The following WWOX variants were observed in gnomAD, a reference collection of about 807,000 sequenced individuals.
The protein encoded by WWOX is WW domain-containing oxidoreductase.
Under a neutral mutation model 46.2 loss-of-function variants are expected in WWOX, and 69 were observed. That is an observed-to-expected ratio of 1.49 (90% CI 1.23 to 1.82). WWOX has a LOEUF of 1.82. Among genes scored for constraint, WWOX ranks in the 40% most tolerant of loss-of-function variants. The probability of loss-of-function intolerance (pLI) is 0.00; values close to 1 mark genes in which losing one functional copy is unlikely to be tolerated. For synonymous variants in WWOX, 359 were observed against 202.6 expected, an observed-to-expected ratio of 1.77 and a Z score of -6.56; for missense variants, 919 against 542.6, an observed-to-expected ratio of 1.69 and a Z score of -6.89.
At chr16:78,154,337 T>TA (rs2034521639) in intron 4 of WWOX, among the ~76,000 whole-genome samples, 1 of 152,096 alleles carries the variant, frequency 6.6e-6, no homozygotes, top group Non-Finnish European at 1.5e-5. Context: ...ATAATATGAA[T>TA]AATAACTCAT....
intron 8 of WWOX, among the ~76,000 whole-genome samples, chr16:78,445,735 G>C (rs149203223): frequency 0.01 from 1,590 of 152,174 alleles, 22 homozygotes; most frequent in African/African-American, 0.037. Flanking sequence ...AATATTATCT[G>C]GGTGTGGTGG....
intron 8 of WWOX, among the ~76,000 whole-genome samples, chr16:78,485,981 A>C (rs981392936): frequency 6.6e-6 from 1 of 152,226 alleles, no homozygotes; most frequent in Non-Finnish European, 1.5e-5. Flanking sequence ...TCTGTTACCT[A>C]GGAGTCCATG....
At chr16:78,537,559 A>C (rs1226269662) in intron 8 of WWOX, among the ~76,000 whole-genome samples, 1 of 152,144 alleles carries the variant, frequency 6.6e-6, no homozygotes, top group East Asian at 1.9e-4. Flanking sequence ...TCATGCTGAC[A>C]TACTAAACCA....
chr16:78,105,297 AC>A (rs2032069926), intron 1 of WWOX, among the ~76,000 whole-genome samples: 1 of 152,176 alleles, frequency 6.6e-6, no homozygotes, highest in Non-Finnish European at 1.5e-5. Context: ...CCCCATCTCT[AC>A]TAAAAATACA....
chr16:79,126,970 A>C (rs906183872), intron 8 of WWOX, among the ~76,000 whole-genome samples: 4 of 152,146 alleles, frequency 2.6e-5, no homozygotes, highest in Admixed American at 6.5e-5. Context: ...GACAGAAAAT[A>C]GGTGCCTGGC....
intron 8 of WWOX, among the ~76,000 whole-genome samples, chr16:78,928,473 A>T (rs2045551235): frequency 6.6e-6 from 1 of 152,200 alleles, no homozygotes; most frequent in Admixed American, 6.5e-5. Context: ...AAGTGCTGGG[A>T]TTACAGGCGT....
At chr16:78,861,118 C>T (rs557926625) in intron 8 of WWOX, among the ~76,000 whole-genome samples, 20 of 152,286 alleles carry the variant, frequency 1.3e-4, no homozygotes, top group Middle Eastern at 3.4e-3. Flanking sequence ...CTGTGCACAG[C>T]CTCAGAGGTC....
In WWOX at chr16:78,542,018, C is replaced by CAAAAAAAAAAAAAAA. The variant is rs548366256; in HGVS notation, c.1056+109280_1056+109294dup. 6.6e-4 allele frequency among the ~76,000 whole-genome samples: 27 copies of CAAAAAAAAAAAAAAA among 40,636 alleles called. 3 individuals are homozygous for CAAAAAAAAAAAAAAA. Among genetic ancestry groups the CAAAAAAAAAAAAAAA allele is most frequent in the East Asian group, 1.0e-3 (1 of 982 alleles). 26.7% of individuals were successfully genotyped at this position (40,636 alleles called of 152,430 possible). A position where few individuals can be genotyped will look rare whatever the true frequency, so the allele number is the denominator to read the frequency against. On this transcript the variant is annotated intron_variant, in intron 8 of 8. Coordinates refer to ENST00000566780, the MANE Select transcript of WWOX (RefSeq NM_016373.4). ...GAGGGTTTCTTTCAACAGAGTATAC[C>CAAAAAAAAAAAAAAA]AAAAAAAAAAAAAAAAAAAAAAAAA...
chr16:78,296,105 G>A (rs951656761), intron 5 of WWOX, among the ~76,000 whole-genome samples: 39 of 152,338 alleles, frequency 2.6e-4, no homozygotes, highest in Admixed American at 1.2e-3. Flanking sequence ...GCTCTTCGAA[G>A]TGGGAAAACC....
intron 5 of WWOX, among the ~76,000 whole-genome samples, chr16:78,189,652 T>A (rs1264158194): frequency 1.3e-5 from 2 of 152,180 alleles, no homozygotes; most frequent in East Asian, 3.8e-4. Context: ...TTTTATTTAA[T>A]TAATTAACTT....
intron 8 of WWOX, among the ~76,000 whole-genome samples, chr16:78,588,357 C>T (rs922838413): frequency 2.6e-5 from 4 of 152,080 alleles, no homozygotes; most frequent in African/African-American, 9.7e-5. Flanking sequence ...ATTGAGGCTG[C>T]CTTTGGTGAA....
At chr16:79,201,360 T>G (rs2051348029) in intron 8 of WWOX, among the ~76,000 whole-genome samples, 1 of 151,820 alleles carries the variant, frequency 6.6e-6, no homozygotes, top group Non-Finnish European at 1.5e-5. Context: ...TTTTTTTTTT[T>G]TTAAATGGGA....
chr16:78,429,386 T>C (rs1409207132), intron 7 of WWOX, among the ~76,000 whole-genome samples: 3 of 152,206 alleles, frequency 2.0e-5, no homozygotes, highest in Non-Finnish European at 4.4e-5. Context: ...ATGGCTTCTT[T>C]CATTCTCTCC....
chr16:78,672,119 A>G (rs957318721), intron 8 of WWOX, among the ~76,000 whole-genome samples: 2 of 152,212 alleles, frequency 1.3e-5, no homozygotes, highest in Non-Finnish European at 2.9e-5. Context: ...AGTTTAGGAT[A>G]CCGGCAGGGC....
intron 5 of WWOX, among the ~76,000 whole-genome samples, chr16:78,227,767 C>T (rs111478267): frequency 0.084 from 12,822 of 152,090 alleles, 719 homozygotes; most frequent in Middle Eastern, 0.12. Flanking sequence ...ATCCCAGCTA[C>T]TTGGGAGGCT....
intron 5 of WWOX, among the ~76,000 whole-genome samples, chr16:78,326,393 G>C (rs11150059): frequency 7.9e-5 from 12 of 152,012 alleles, no homozygotes; most frequent in Non-Finnish European, 1.2e-4. Flanking sequence ...ATCATACTTA[G>C]GAAAATGCCA....
chr16:78,528,684 T>A (rs1411528642), intron 8 of WWOX, among the ~76,000 whole-genome samples: 3 of 152,182 alleles, frequency 2.0e-5, no homozygotes, highest in African/African-American at 7.2e-5. Flanking sequence ...TTTTTAACAT[T>A]CTTTGGCAGT....
chr16:78,599,699 G>C (rs1194068772), intron 8 of WWOX, among the ~76,000 whole-genome samples: 1 of 152,192 alleles, frequency 6.6e-6, no homozygotes, highest in Admixed American at 6.5e-5. Flanking sequence ...GACATCCACA[G>C]ATGCCTTGTG....
intron 8 of WWOX, among the ~76,000 whole-genome samples, chr16:79,176,519 A>G (rs947902882): frequency 1.3e-5 from 2 of 152,188 alleles, no homozygotes; most frequent in African/African-American, 4.8e-5. Flanking sequence ...TTTTCTCCCC[A>G]TTAGCATCTG....
Sources: allele counts gnomAD v4.1 joint callset (sites outside exome capture counted in the v4.1 genomes callset), GRCh38; gene constraint gnomAD v4.1.1; transcripts MANE v1.5; gene names NCBI Gene and HGNC (gene_info 2026-07-23, HGNC 2026-07-21).